KANSL1: variants seen among roughly 807,000 people sequenced by gnomAD.
The protein encoded by KANSL1 is MLL1/MLL complex subunit KANSL1.
A neutral mutation model predicts 103.6 loss-of-function variants in KANSL1; 22 were observed. The observed-to-expected ratio is 0.21, with a 90% CI of 0.15 to 0.30. The LOEUF (loss-of-function observed/expected upper bound fraction) is 0.30, where lower values mean the gene tolerates loss of function less well. Ranked by LOEUF, KANSL1 falls within the 10% of genes least tolerant of loss-of-function variation. The probability of loss-of-function intolerance (pLI) is 1.00; values close to 1 mark genes in which losing one functional copy is unlikely to be tolerated. For missense variants in KANSL1, 1,337 were observed against 1,399.8 expected, an observed-to-expected ratio of 0.96 and a Z score of 0.72; for synonymous variants, 600 against 527.6, an observed-to-expected ratio of 1.14 and a Z score of -1.88.
intron 1 of KANSL1, among the ~76,000 whole-genome samples, chr17:46,212,892 C>T (rs2048207645): frequency 6.6e-6 from 1 of 152,238 alleles, no homozygotes; most frequent in African/African-American, 2.4e-5. Flanking sequence ...AAGAGTATGT[C>T]ATTTAATCTG....
At chr17:46,043,611 A>G (rs184357331) in intron 7 of KANSL1, 2 of 152,326 alleles carry the variant, frequency 1.3e-5, no homozygotes, top group African/African-American at 4.8e-5. Context: ...ATAACTCCAG[A>G]CAGTTACTGT....
At chr17:46,081,854 T>C (rs2146820125) in intron 4 of KANSL1, among the ~76,000 whole-genome samples, 1 of 152,276 alleles carries the variant, frequency 6.6e-6, no homozygotes, top group South Asian at 2.1e-4. Context: ...TAAAACCCAG[T>C]AACCTTTTAG....
intron 2 of KANSL1, among the ~76,000 whole-genome samples, chr17:46,117,157 T>C (rs2043080691): frequency 6.6e-6 from 1 of 152,214 alleles, no homozygotes; most frequent in South Asian, 2.1e-4. Context: ...TGGTACTAGA[T>C]GACTTTCCAG....
chr17:46,224,950 T>C (rs1228730325), upstream of KANSL1: 1 of 151,582 alleles, frequency 6.6e-6, no homozygotes. Context: ...GCGGCTTCCC[T>C]TCCTCTCCGC....
chr17:46,132,876 G>A (rs1014079826), intron 2 of KANSL1, among the ~76,000 whole-genome samples: 62 of 129,854 alleles, frequency 4.8e-4, no homozygotes, highest in Admixed American at 2.5e-3. Context: ...CTGGGAGGTC[G>A]AGGCTGCAGT....
At chr17:46,079,352 C>G (rs573109634) in intron 4 of KANSL1, among the ~76,000 whole-genome samples, 1 of 152,324 alleles carries the variant, frequency 6.6e-6, no homozygotes, top group South Asian at 2.1e-4. Context: ...CAGTGTACCA[C>G]TGGGACATTA....
At chr17:46,127,623 A>G (rs1047046437) in intron 2 of KANSL1, among the ~76,000 whole-genome samples, 2 of 152,066 alleles carry the variant, frequency 1.3e-5, no homozygotes, top group South Asian at 2.1e-4. Flanking sequence ...AAAAATACCA[A>G]AAAATACCAG....
At chr17:46,050,122 GT>G (rs2077660788) in intron 7 of KANSL1, 1 of 158,180 alleles carries the variant, frequency 6.3e-6, no homozygotes, top group African/African-American at 2.4e-5. Context: ...CACCATGTTG[GT>G]CAGGCTGGTC....
At chr17:46,087,210 T>C (rs8077202) in intron 3 of KANSL1, among the ~76,000 whole-genome samples, 4,358 of 152,282 alleles carry the variant, frequency 0.029, 212 homozygotes, top group African/African-American at 0.099. Flanking sequence ...CAGAGGACAT[T>C]TGAATACACA....
chr17:46,050,105 G>A (rs560815539), intron 7 of KANSL1: 2 of 156,824 alleles, frequency 1.3e-5, no homozygotes, highest in African/African-American at 4.8e-5. Flanking sequence ...AGTAGAGACG[G>A]TGGTTTCACC....
In KANSL1 at chr17:46,171,126, G is replaced by C; in HGVS notation, c.1018C>G (p.Pro340Ala). 2 of 1,614,166 alleles carry C rather than the reference G, an allele frequency of 1.2e-6. No individual in the cohort carries two copies. The highest frequency in any genetic ancestry group is 1.7e-6 in the Non-Finnish European group (2 of 1,180,048). Residue 340 changes from proline (P) to alanine (A), a missense_variant, in exon 2 of 15, where the codon CCA becomes GCA. By Grantham distance (27) the Pro-to-Ala change is conservative. Around this residue, in one of 2 missense-constraint regions of KANSL1, gnomAD observed 557 missense variants for 476.4 expected, o/e 1.17. Transcript: ENST00000432791. ...SKLPNLESLRPRSQLMLTRKA... is the reference protein window; with the variant it reads ...SKLPNLESLRARSQLMLTRKA... The stretch of plus-strand genomic sequence containing the variant: ...CGAGTCAGCATCAACTGGCTCCGTG[G>C]TCTCAAGGATTCCAAGTTTGGCAGT...
In KANSL1 at chr17:46,031,125, G is replaced by A. The variant is rs1017498972; in HGVS notation, c.*351C>T. On this transcript the variant is annotated 3_prime_UTR_variant, in exon 15 of 15. Coordinates refer to ENST00000432791, the MANE Select transcript of KANSL1 (RefSeq NM_015443.4). ...GGCCATGCTAAACTGTAGCCCGCCA[G>A]GCTGTTCTGCCCTGCCCACAGGTGT... is the stretch of plus-strand genomic sequence containing the variant. The A allele has an allele frequency of 3.4e-6, 1 of 293,176 alleles. No homozygotes were observed. Among genetic ancestry groups the A allele is most frequent in the Middle Eastern group, 1.0e-3 (1 of 958 alleles). 18.2% of individuals were successfully genotyped at this position (293,176 alleles called of 1,614,324 possible). A position where few individuals can be genotyped will look rare whatever the true frequency, so the allele number is the denominator to read the frequency against.
rs1023164178 is a variant in KANSL1 at position 46,146,832 on chromosome 17, CAAAAAAAAAAAAA to C, written c.1289+24010_1289+24022del. ...TGGGCGACAGAGCGAGACTCCGTCT[CAAAAAAAAAAAAA>C]AAAAAAAAAAAAGAAGTTGACAGGC... is the stretch of plus-strand genomic sequence containing the variant. On this transcript the variant is annotated intron_variant, in intron 2 of 14. Transcript: ENST00000432791. Among the ~76,000 whole-genome samples the C allele has an allele frequency of 9.5e-3, 356 of 37,332 alleles. 27 individuals are homozygous for C. Among genetic ancestry groups the C allele is most frequent in the Non-Finnish European group, 0.011 (179 of 16,384 alleles). 24.5% of individuals were successfully genotyped at this position (37,332 alleles called of 152,430 possible).
intron 6 of KANSL1, 51 bp downstream of exon 6, chr17:46,066,486 C>T: frequency 1.3e-6 from 2 of 1,483,750 alleles, no homozygotes; most frequent in Non-Finnish European, 1.8e-6. Flanking sequence ...CTAACTCTAT[C>T]TGAGCATCTG....
chr17:46,190,712 C>T (rs891937088), intron 1 of KANSL1, among the ~76,000 whole-genome samples: 3 of 152,212 alleles, frequency 2.0e-5, no homozygotes, highest in African/African-American at 7.2e-5. Flanking sequence ...AATAAAAAGT[C>T]AATCACCTCA....
At chr17:46,031,951 G>C (rs2077021157) in intron 14 of KANSL1, 96 bp downstream of exon 14, 1 of 1,552,508 alleles carries the variant, frequency 6.4e-7, no homozygotes, top group Non-Finnish European at 8.8e-7. Context: ...CTTCAAAAGG[G>C]GGAGGGGATG....
intron 3 of KANSL1, among the ~76,000 whole-genome samples, chr17:46,091,533 T>G (rs1433282517): frequency 1.3e-5 from 2 of 152,182 alleles, no homozygotes; most frequent in Admixed American, 1.3e-4. Context: ...ACCCACCGAC[T>G]CACCCAGAGC....
At chr17:46,058,225 T>C (rs1216317468) in intron 6 of KANSL1, among the ~76,000 whole-genome samples, 2 of 152,136 alleles carry the variant, frequency 1.3e-5, no homozygotes, top group Non-Finnish European at 2.9e-5. Context: ...ATGTAAAGGG[T>C]GAAACTATCA....
At chr17:46,177,849 C>T (rs940525974) in intron 1 of KANSL1, among the ~76,000 whole-genome samples, 6 of 152,012 alleles carry the variant, frequency 3.9e-5, no homozygotes, top group Non-Finnish European at 8.8e-5. Flanking sequence ...GTGATCTAAG[C>T]TCACTGCAAG....
Sources: allele counts gnomAD v4.1 joint callset (sites outside exome capture counted in the v4.1 genomes callset), GRCh38; gene constraint gnomAD v4.1.1; regional missense constraint gnomAD v4.1.1; transcripts MANE v1.5; gene names NCBI Gene and HGNC (gene_info 2026-07-23, HGNC 2026-07-21).